Variants in ALK observed in about 807,000 individuals in gnomAD.
ALK encodes ALK tyrosine kinase receptor.
Under a neutral mutation model 163.1 loss-of-function variants are expected in ALK, and 74 were observed. That is an observed-to-expected ratio of 0.45 (90% CI 0.38 to 0.55). The LOEUF (loss-of-function observed/expected upper bound fraction) is 0.55. ALK is among the 20% of genes least tolerant of loss of function. The probability of loss-of-function intolerance (pLI) is 0.00; values close to 1 mark genes in which losing one functional copy is unlikely to be tolerated. For missense variants in ALK, 2,063 were observed against 2,105.3 expected (o/e 0.98, Z 0.39); for synonymous variants, 960 against 843.2 (o/e 1.14, Z -2.40).
At chr2:29,532,744 A>C (rs990651117) in intron 3 of ALK, among the ~76,000 whole-genome samples, 1 of 152,184 alleles carries the variant, frequency 6.6e-6, no homozygotes, top group African/African-American at 2.4e-5. Flanking sequence ...ATTCATGGGG[A>C]TTACTGTCAG....
chr2:29,502,681 G>T (rs1672218092), intron 4 of ALK, among the ~76,000 whole-genome samples: 1 of 150,810 alleles, frequency 6.6e-6, no homozygotes, highest in Non-Finnish European at 1.5e-5. Context: ...AATGAGATGG[G>T]GCACATATTT....
intron 4 of ALK, among the ~76,000 whole-genome samples, chr2:29,496,883 T>C (rs1181544689): frequency 6.6e-6 from 1 of 152,002 alleles, no homozygotes; most frequent in Admixed American, 6.5e-5. Flanking sequence ...CTCAAAAAGG[T>C]TGTTGTAAGG....
chr2:29,597,446 G>T (rs1322118586), intron 3 of ALK, among the ~76,000 whole-genome samples: 5 of 152,202 alleles, frequency 3.3e-5, no homozygotes, highest in Non-Finnish European at 7.3e-5. Context: ...TGTTCCATTT[G>T]CCATGGAGTC....
chr2:29,552,910 C>T (rs1010329965), intron 3 of ALK, among the ~76,000 whole-genome samples: 1 of 152,202 alleles, frequency 6.6e-6, no homozygotes, highest in African/African-American at 2.4e-5. Context: ...ACACTTGCTT[C>T]TGAAGCTGTT....
intron 3 of ALK, among the ~76,000 whole-genome samples, chr2:29,681,797 A>C (rs1321170868): frequency 7.0e-6 from 1 of 143,828 alleles, no homozygotes; most frequent in South Asian, 2.2e-4. Flanking sequence ...ATTTCACTCC[A>C]TCTAGACATG....
chr2:29,888,263 A>ATTTTT (rs1558534593), intron 1 of ALK, among the ~76,000 whole-genome samples: 16 of 36,246 alleles, frequency 4.4e-4, no homozygotes, highest in African/African-American at 9.9e-4. Context: ...TTTTTTTTTA[A>ATTTTT]AAAAAGGGAA....
At chr2:29,369,888 G>T (rs1386666815) in intron 5 of ALK, among the ~76,000 whole-genome samples, 1 of 152,118 alleles carries the variant, frequency 6.6e-6, no homozygotes, top group Non-Finnish European at 1.5e-5. Context: ...ATTACATACA[G>T]CCACAGATAA....
intron 4 of ALK, among the ~76,000 whole-genome samples, chr2:29,442,307 T>A (rs1670566119): frequency 2.0e-5 from 3 of 149,820 alleles, no homozygotes; most frequent in Non-Finnish European, 4.4e-5. Flanking sequence ...TCTGATAAAT[T>A]AAAAAAAAAA....
Position 29,322,099 on chromosome 2 carries a change from G to A in ALK, c.1415-1217C>T, listed in dbSNP as rs755707839. On this transcript the variant is annotated intron_variant, in intron 6 of 28. Transcript: ENST00000389048. ...GCCCCCAACACCTCCCAGCCTAGCT[G>A]CAGAGAAGCCTGTGTCTCCATGTGG... Among the ~76,000 whole-genome samples, 47 of 152,356 alleles carry A rather than the reference G, an allele frequency of 3.1e-4. No individual in the cohort carries two copies. In the Middle Eastern group the frequency reaches 0.01, roughly 33 times the overall value.
chr2:29,293,877 A>C (rs1326308010), intron 9 of ALK, among the ~76,000 whole-genome samples: 1 of 103,324 alleles, frequency 9.7e-6, no homozygotes, highest in East Asian at 2.8e-4. Context: ...GGAGTCTCTT[A>C]AGTGCTAACC....
At chr2:29,766,498 C>T (rs2631949) in intron 1 of ALK, among the ~76,000 whole-genome samples, 3,564 of 152,294 alleles carry the variant, frequency 0.023, 75 homozygotes, top group Middle Eastern at 0.044. Flanking sequence ...CCCACCACCT[C>T]CTGTTCATTC....
chr2:29,245,384 C>T (rs12612448), intron 12 of ALK, among the ~76,000 whole-genome samples: 46 of 113,350 alleles, frequency 4.1e-4, no homozygotes, highest in African/African-American at 1.4e-3. Flanking sequence ...GCCCTGCACA[C>T]AGTAGGGGCT....
chr2:29,725,168 A>G (rs966411187), intron 1 of ALK, among the ~76,000 whole-genome samples: 30 of 151,466 alleles, frequency 2.0e-4, no homozygotes, highest in Non-Finnish European at 3.0e-4. Context: ...AAAAAAAAAA[A>G]AAAAAGGAAT....
chr2:29,873,228 G>T (rs1228075940), intron 1 of ALK, among the ~76,000 whole-genome samples: 2 of 152,198 alleles, frequency 1.3e-5, no homozygotes, highest in East Asian at 3.9e-4. Context: ...CATGATTAAT[G>T]ATAAAAAGTC....
At chr2:29,233,280 C>T (rs956367571) in intron 14 of ALK, among the ~76,000 whole-genome samples, 2 of 152,092 alleles carry the variant, frequency 1.3e-5, no homozygotes, top group Non-Finnish European at 2.9e-5. Flanking sequence ...GTAGCTAGGA[C>T]TACAGGTGCA....
chr2:29,436,402 A>G lies in ALK; in HGVS notation c.1155-52543T>C, dbSNP rs1163909026. Among the ~76,000 whole-genome samples, 7 of 152,182 alleles carry G rather than the reference A, an allele frequency of 4.6e-5. No individual in the cohort carries two copies. The South Asian group carries it at 1.0e-3, about 22-fold the overall frequency. ...AATCACTTCCCAGTTCTCTCTGCCT[A>G]TTCCCCAGGGGACTGGTTTTATAAC... is the stretch of plus-strand genomic sequence containing the variant. On this transcript the variant is annotated intron_variant, in intron 4 of 28. Coordinates refer to ENST00000389048, the MANE Select transcript of ALK (RefSeq NM_004304.5).
intron 4 of ALK, among the ~76,000 whole-genome samples, chr2:29,459,864 A>G (rs1026548069): frequency 4.6e-5 from 7 of 152,182 alleles, no homozygotes; most frequent in Admixed American, 3.3e-4. Flanking sequence ...TTAGATCACC[A>G]TAAACTGAAT....
chr2:29,417,158 T>C (rs529182792), intron 4 of ALK, among the ~76,000 whole-genome samples: 1 of 152,004 alleles, frequency 6.6e-6, no homozygotes, highest in African/African-American at 2.4e-5. Flanking sequence ...CGGCTAATTT[T>C]TTTGTAGTTT....
At chr2:29,368,042 T>C (rs1668548956) in intron 5 of ALK, among the ~76,000 whole-genome samples, 1 of 152,242 alleles carries the variant, frequency 6.6e-6, no homozygotes, top group Admixed American at 6.5e-5. Context: ...GCCTCCATTT[T>C]GTCCCAGGCT....
Sources: allele counts gnomAD v4.1 joint callset (sites outside exome capture counted in the v4.1 genomes callset), GRCh38; gene constraint gnomAD v4.1.1; transcripts MANE v1.5; gene names NCBI Gene and HGNC (gene_info 2026-07-23, HGNC 2026-07-21).